TRIM14: variants seen among roughly 807,000 people sequenced by gnomAD.
TRIM14 encodes tripartite motif-containing protein 14.
TRIM14 carries 28 observed loss-of-function variants against 44.5 expected under a neutral mutation model. The ratio of observed to expected loss-of-function variants is 0.63; its 90% confidence interval spans 0.47 to 0.86. The LOEUF is 0.86. Ranked by LOEUF, TRIM14 falls within the 40% of genes least tolerant of loss-of-function variation. TRIM14 has a pLI of 0.00. For synonymous variants in TRIM14, 299 were observed against 269.2 expected, an observed-to-expected ratio of 1.11 and a Z score of -1.08; for missense variants, 607 against 611.1, an observed-to-expected ratio of 0.99 and a Z score of 0.07.
chr9:98,052,919 A>C, the TRIM14 span, among the ~76,000 whole-genome samples: 1 of 152,244 alleles, frequency 6.6e-6, no homozygotes, highest in East Asian at 1.9e-4. Flanking sequence ...TCATAACTTA[A>C]CCATGGATGC....
rs562095803 is a variant in TRIM14, at chr9:98,119,076, C to T, written c.113G>A (p.Arg38His). 2 of 1,582,116 alleles carry T rather than the reference C, an allele frequency of 1.3e-6. No homozygotes were observed. Among genetic ancestry groups the T allele is most frequent in the Non-Finnish European group, 1.7e-6 (2 of 1,174,132 alleles). The change falls in exon 1 of 6, where the codon CGC (arginine) becomes CAC (histidine). Residue 38 changes from arginine (R) to histidine (H), a missense_variant. By Grantham distance (29) the Arg-to-His change is conservative (BLOSUM62 0). This residue lies in a region of TRIM14 where 246 missense variants were observed against 270.8 expected (regional missense o/e 0.91). Transcript: ENST00000341469. ...AAGCGCGCACACGCAGCGGCGGCAG[C>T]GGCGACAGAAGAGCTCAGCCACGCG... ...GDRVAELFCR[R>H]CRRCVCALCP...
At chr9:98,107,426 A>T (rs1826657826) in intron 2 of TRIM14, among the ~76,000 whole-genome samples, 1 of 152,240 alleles carries the variant, frequency 6.6e-6, no homozygotes, top group African/African-American at 2.4e-5. Flanking sequence ...TCTATGGTAC[A>T]TGCATACTAT....
intron 2 of TRIM14, among the ~76,000 whole-genome samples, chr9:98,105,742 G>T (rs544612510): frequency 1.0e-3 from 157 of 152,268 alleles, no homozygotes; most frequent in Non-Finnish European, 1.6e-3. Flanking sequence ...CCACAATGGG[G>T]CCTGGCCATC....
chr9:98,075,447 A>AAGGGAGGAAAGGG (rs1252837555), intron 6 of TRIM14: 1 of 140,644 alleles, frequency 7.1e-6, no homozygotes, highest in African/African-American at 2.6e-5. Context: ...GGAGGAAGGA[A>AAGGGAGGAAAGGG]AGGGAGGAAA....
intron 3 of TRIM14, among the ~76,000 whole-genome samples, chr9:98,099,450 C>A (rs1826307620): frequency 7.8e-6 from 1 of 127,582 alleles, no homozygotes; most frequent in Non-Finnish European, 1.6e-5. Context: ...GAAACTCCAT[C>A]TCAAAAAAAA....
chr9:98,044,551 TTTAGTA>T, the TRIM14 span, among the ~76,000 whole-genome samples: 1 of 151,796 alleles, frequency 6.6e-6, no homozygotes, highest in Admixed American at 6.6e-5. Flanking sequence ...TTTTTGTATT[TTTAGTA>T]GAGATGAGGT....
the TRIM14 span, among the ~76,000 whole-genome samples, chr9:98,055,570 A>G: frequency 6.6e-6 from 1 of 152,110 alleles, no homozygotes; most frequent in Non-Finnish European, 1.5e-5. Flanking sequence ...TAGTGATGTT[A>G]TCCCCAGGAG....
intron 6 of TRIM14, among the ~76,000 whole-genome samples, chr9:98,073,136 C>T (rs570252189): frequency 2.0e-5 from 3 of 152,266 alleles, no homozygotes; most frequent in African/African-American, 4.8e-5. Context: ...CCAGCAAAGC[C>T]GCCCTTCCCT....
At chr9:98,102,927 C>T (rs1417384818) in intron 2 of TRIM14, among the ~76,000 whole-genome samples, 1 of 152,030 alleles carries the variant, frequency 6.6e-6, no homozygotes, top group Non-Finnish European at 1.5e-5. Flanking sequence ...TGGCTCACGC[C>T]TGCAATCCCA....
chr9:98,056,613 C>T, the TRIM14 span: 1 of 813,594 alleles, frequency 1.2e-6, no homozygotes, highest in Non-Finnish European at 1.8e-6. Flanking sequence ...GCGGGAGGCC[C>T]CGCCCCCGCC....
rs544424549 is a variant in TRIM14 at position 98,086,400 on chromosome 9, G to A, written c.*1070C>T. ...GATGAGATCTGGCTGGGTGACCTGT[G>A]AGGCCCGCCTAACTCAGCTCTTCTG... On this transcript the variant is annotated 3_prime_UTR_variant, in exon 6 of 6. Coordinates refer to ENST00000341469, the MANE Select transcript of TRIM14 (RefSeq NM_014788.4). 5 of 152,224 alleles carry A rather than the reference G, an allele frequency of 3.3e-5. No individual in the cohort carries two copies. The highest frequency in any genetic ancestry group is 7.3e-5 in the Non-Finnish European group (5 of 68,078). The allele number at this position is 152,224 out of a possible 1,614,324, so 9.4% of individuals were successfully genotyped here.
chr9:98,047,808 G>C, the TRIM14 span, among the ~76,000 whole-genome samples: 1 of 152,008 alleles, frequency 6.6e-6, no homozygotes, highest in Non-Finnish European at 1.5e-5. Flanking sequence ...CCTCATACCT[G>C]TAATCCCAGC....
chr9:98,049,582 T>C, the TRIM14 span, among the ~76,000 whole-genome samples: 1 of 152,120 alleles, frequency 6.6e-6, no homozygotes, highest in African/African-American at 2.4e-5. Flanking sequence ...ATGGCACTGA[T>C]GGGAGTGTCT....
downstream of TRIM14, among the ~76,000 whole-genome samples, chr9:98,067,920 C>T (rs1255605132): frequency 6.6e-6 from 1 of 152,084 alleles, no homozygotes; most frequent in African/African-American, 2.4e-5. Flanking sequence ...CAAGATCTCA[C>T]TATGTAGCCC....
downstream of TRIM14, among the ~76,000 whole-genome samples, chr9:98,066,121 T>C (rs74635304): frequency 0.014 from 2,181 of 152,304 alleles, 51 homozygotes; most frequent in African/African-American, 0.05. Flanking sequence ...AACTTGACCA[T>C]ACCTAGTGTT....
Position 98,118,970 on chromosome 9 carries a change from C to T in TRIM14, c.207+12G>A, listed in dbSNP as rs758595843. 3 of 1,520,552 alleles carry T rather than the reference C, an allele frequency of 2.0e-6. No homozygotes were observed. The highest frequency in any genetic ancestry group is 2.6e-6 in the Non-Finnish European group (3 of 1,142,804). The allele number at this position is 1,520,552 out of a possible 1,614,324, so 94.2% of individuals were successfully genotyped here. ...ACTCCCGCGCGGCGAACCCCGTCCC[C>T]ATCGTCCCCACCTGCACGTGCACCG... On this transcript the variant is annotated intron_variant, in intron 1 of 5. Transcript: ENST00000341469.
chr9:98,065,366 G>A (rs1020111802), downstream of TRIM14, among the ~76,000 whole-genome samples: 5 of 142,706 alleles, frequency 3.5e-5, no homozygotes, highest in East Asian at 2.1e-4. Flanking sequence ...AGGCTGGAGT[G>A]CAATCAATGG....
At chr9:98,067,504 CTGTT>C (rs1441182609), downstream of TRIM14, among the ~76,000 whole-genome samples, 1 of 152,158 alleles carries the variant, frequency 6.6e-6, no homozygotes, top group African/African-American at 2.4e-5. Context: ...TTTCATGTGT[CTGTT>C]GGTCATCTGC....
intron 2 of TRIM14, among the ~76,000 whole-genome samples, chr9:98,101,575 C>T (rs1400611096): frequency 1.3e-4 from 20 of 152,090 alleles, no homozygotes; most frequent in Admixed American, 1.2e-3. Context: ...GTGGCCATCA[C>T]CATGCCTGGC....
Sources: allele counts gnomAD v4.1 joint callset (sites outside exome capture counted in the v4.1 genomes callset), GRCh38; gene constraint gnomAD v4.1.1; regional missense constraint gnomAD v4.1.1; transcripts MANE v1.5; gene names NCBI Gene and HGNC (gene_info 2026-07-23, HGNC 2026-07-21).